Variants in UNC13C observed in about 807,000 individuals in gnomAD.
UNC13C encodes the protein protein unc-13 homolog C.
Under a neutral mutation model 245.4 loss-of-function variants are expected in UNC13C, and 174 were observed. The ratio of observed to expected loss-of-function variants is 0.71; its 90% CI spans 0.63 to 0.80. The LOEUF is 0.80. Ranked by LOEUF, UNC13C falls within the 30% of genes least tolerant of loss-of-function variation. The pLI is 0.00. For missense variants in UNC13C, 2,829 were observed against 2,602.9 expected, an observed-to-expected ratio of 1.09 and a Z score of -1.89; for synonymous variants, 992 against 895.1, an observed-to-expected ratio of 1.11 and a Z score of -1.93.
chr15:54,301,245 A>G (rs2037571885), intron 13 of UNC13C, among the ~76,000 whole-genome samples: 2 of 151,644 alleles, frequency 1.3e-5, no homozygotes, highest in South Asian at 4.2e-4. Flanking sequence ...AATCATCTTA[A>G]TGATGAATGA....
chr15:54,448,456 T>G (rs538073900), intron 19 of UNC13C, among the ~76,000 whole-genome samples: 255 of 152,332 alleles, frequency 1.7e-3, no homozygotes, highest in Non-Finnish European at 2.8e-3. Context: ...ATCTGGGTGC[T>G]CCTGTATTGG....
chr15:54,453,977 A>G (rs888283618), intron 19 of UNC13C, among the ~76,000 whole-genome samples: 1 of 152,074 alleles, frequency 6.6e-6, no homozygotes, highest in Admixed American at 6.5e-5. Context: ...AGCTCTGTGG[A>G]TTGGCATATT....
intron 4 of UNC13C, among the ~76,000 whole-genome samples, chr15:54,199,962 T>A (rs1260731175): frequency 1.3e-5 from 2 of 152,038 alleles, no homozygotes; most frequent in African/African-American, 4.8e-5. Flanking sequence ...AAATAAGGAC[T>A]CATATAAACT....
chr15:54,117,663 C>T (rs865779118), intron 2 of UNC13C, among the ~76,000 whole-genome samples: 4 of 151,804 alleles, frequency 2.6e-5, no homozygotes, highest in Non-Finnish European at 4.4e-5. Flanking sequence ...CTCACTGCAG[C>T]CTCAACCTCT....
chr15:54,062,458 C>G (rs1296567094), intron 2 of UNC13C, among the ~76,000 whole-genome samples: 1 of 152,168 alleles, frequency 6.6e-6, no homozygotes, highest in Non-Finnish European at 1.5e-5. Context: ...CCTAAACTCT[C>G]TCAATTCCAT....
chr15:54,372,330 C>A (rs1409554837), intron 17 of UNC13C, among the ~76,000 whole-genome samples: 1 of 151,786 alleles, frequency 6.6e-6, no homozygotes, highest in Non-Finnish European at 1.5e-5. Flanking sequence ...TATCAGTTAC[C>A]TTTTCCTTAA....
At position 54,308,393 on chromosome 15, in the gene UNC13C, A is replaced by G. The variant is rs1382746813; in HGVS notation, c.4268+8020A>G. 2.0e-5 allele frequency among the ~76,000 whole-genome samples: 3 copies of G among 152,008 alleles called. No homozygotes were observed. In the East Asian group the frequency reaches 5.8e-4, roughly 30 times the overall value. On this transcript the variant is annotated intron_variant, in intron 13 of 32. Transcript: ENST00000260323. ...AAATTTTTTTAAAAATTGATTGATA[A>G]AATTTTATGTATTTATTATATACAA... is the stretch of plus-strand genomic sequence containing the variant.
intron 5 of UNC13C, among the ~76,000 whole-genome samples, chr15:54,236,218 G>A (rs183913401): frequency 3.3e-5 from 5 of 152,216 alleles, no homozygotes; most frequent in Non-Finnish European, 7.4e-5. Flanking sequence ...TTCATCTGAA[G>A]GCCACCACTT....
intron 18 of UNC13C, among the ~76,000 whole-genome samples, chr15:54,406,574 AG>A (rs146475973): frequency 0.029 from 4,479 of 152,270 alleles, 208 homozygotes; most frequent in African/African-American, 0.1. Flanking sequence ...TTGTTTAAAG[AG>A]AAAAAATGTT....
intron 17 of UNC13C, among the ~76,000 whole-genome samples, chr15:54,365,939 C>T (rs1221831554): frequency 1.3e-5 from 2 of 152,170 alleles, no homozygotes; most frequent in African/African-American, 4.8e-5. Flanking sequence ...TTTCAATTCT[C>T]CATCTTGAAG....
intron 19 of UNC13C, among the ~76,000 whole-genome samples, chr15:54,491,683 C>T (rs1012741982): frequency 5.9e-5 from 9 of 152,086 alleles, no homozygotes; most frequent in South Asian, 2.1e-4. Flanking sequence ...TATCTGCTTG[C>T]TTTCATTATT....
chr15:54,214,578 T>G (rs1031069403), intron 4 of UNC13C, among the ~76,000 whole-genome samples: 6 of 151,948 alleles, frequency 3.9e-5, no homozygotes, highest in African/African-American at 1.4e-4. Context: ...TTATTAAACA[T>G]TTTAGGGTTT....
At position 54,006,390 on chromosome 15, in the gene UNC13C, G is replaced by A. The variant is rs116841282; in HGVS notation, c.-256-6258G>A. 1.5e-3 allele frequency among the ~76,000 whole-genome samples: 222 copies of A among 152,236 alleles called. 2 individuals are homozygous for A. Among genetic ancestry groups the A allele is most frequent in the East Asian group, 7.5e-3 (39 of 5,176 alleles). On this transcript the variant is annotated intron_variant, in intron 1 of 32. Coordinates refer to ENST00000260323, the MANE Select transcript of UNC13C (RefSeq NM_001080534.3). ...TCTTTCTGTTTGTTTTTAAAAAATAGTATATTAGCTTAGGATAAACCTTTT... is the reference window on the plus strand; with the variant it reads ...TCTTTCTGTTTGTTTTTAAAAAATAATATATTAGCTTAGGATAAACCTTTT...
At chr15:54,100,976 C>T (rs1211622291) in intron 2 of UNC13C, among the ~76,000 whole-genome samples, 1 of 152,100 alleles carries the variant, frequency 6.6e-6, no homozygotes, top group Non-Finnish European at 1.5e-5. Context: ...CTGAAGTGTA[C>T]ACCAAGTAAT....
the UNC13C span, among the ~76,000 whole-genome samples, chr15:53,934,760 G>C: frequency 6.6e-6 from 1 of 152,114 alleles, no homozygotes; most frequent in Non-Finnish European, 1.5e-5. Context: ...GTCTGATGAG[G>C]GTTCTGTTCC....
At chr15:53,845,317 T>A in the UNC13C span, among the ~76,000 whole-genome samples, 3 of 42,354 alleles carry the variant, frequency 7.1e-5, no homozygotes, top group African/African-American at 1.1e-4. Flanking sequence ...AGAGCGAGAG[T>A]CTCTCAAAAA....
At chr15:54,414,366 G>T (rs748221763) in intron 18 of UNC13C, among the ~76,000 whole-genome samples, 2 of 152,190 alleles carry the variant, frequency 1.3e-5, no homozygotes, top group Non-Finnish European at 2.9e-5. Flanking sequence ...GACGGAGTCG[G>T]CCAGGTATGG....
intron 2 of UNC13C, among the ~76,000 whole-genome samples, chr15:54,066,002 G>A (rs540406607): frequency 6.6e-6 from 1 of 152,242 alleles, no homozygotes; most frequent in Admixed American, 6.5e-5. Context: ...TTATTAGCAT[G>A]AACACCTATG....
intron 1 of UNC13C, among the ~76,000 whole-genome samples, chr15:53,995,442 C>T (rs1386006321): frequency 6.6e-6 from 1 of 152,038 alleles, no homozygotes; most frequent in South Asian, 2.1e-4. Context: ...CCCTCTTGTT[C>T]CTCTTGTCTA....
Sources: allele counts gnomAD v4.1 joint callset (sites outside exome capture counted in the v4.1 genomes callset), GRCh38; gene constraint gnomAD v4.1.1; transcripts MANE v1.5; gene names NCBI Gene and HGNC (gene_info 2026-07-23, HGNC 2026-07-21).